The following CNTN3 variants were observed in gnomAD, a reference collection of about 807,000 sequenced individuals.
CNTN3 encodes contactin 3, also known as contactin-3.
Under a neutral mutation model 119.1 loss-of-function variants are expected in CNTN3, and 60 were observed. That is an observed-to-expected ratio of 0.50 (90% CI 0.41 to 0.62). The LOEUF is 0.62. Ranked by LOEUF, CNTN3 falls within the 20% of genes least tolerant of loss-of-function variation. The pLI is 0.00. For synonymous variants in CNTN3, 450 were observed against 438.7 expected, an observed-to-expected ratio of 1.03 and a Z score of -0.32; for missense variants, 1,101 against 1,242.4, an observed-to-expected ratio of 0.89 and a Z score of 1.71.
At chr3:74,388,283 CTAATA>C (rs1467488378) in intron 5 of CNTN3, among the ~76,000 whole-genome samples, 1 of 152,084 alleles carries the variant, frequency 6.6e-6, no homozygotes, top group African/African-American at 2.4e-5. Context: ...TATTGAGAAT[CTAATA>C]TATTAGAAGT....
intron 4 of CNTN3, among the ~76,000 whole-genome samples, chr3:74,449,633 A>G (rs1024504102): frequency 2.0e-5 from 3 of 152,102 alleles, no homozygotes; most frequent in African/African-American, 7.2e-5. Context: ...TTGAAACTGC[A>G]GAAAGCGGTA....
intron 4 of CNTN3, among the ~76,000 whole-genome samples, chr3:74,450,329 T>C (rs1476393657): frequency 2.0e-5 from 3 of 152,014 alleles, no homozygotes; most frequent in Non-Finnish European, 4.4e-5. Context: ...ATCTCATACA[T>C]TATTGTTGGT....
chr3:74,529,052 G>T (rs1703658584), intron 1 of CNTN3, among the ~76,000 whole-genome samples: 1 of 151,812 alleles, frequency 6.6e-6, no homozygotes, highest in African/African-American at 2.4e-5. Context: ...TATATATACA[G>T]CACATATATT....
intron 13 of CNTN3, among the ~76,000 whole-genome samples, chr3:74,308,590 A>T (rs1446636703): frequency 1.3e-5 from 2 of 151,986 alleles, no homozygotes; most frequent in African/African-American, 4.8e-5. Context: ...TAATTTCAAC[A>T]TCAAGTTCAT....
intron 5 of CNTN3, among the ~76,000 whole-genome samples, chr3:74,400,018 A>G (rs1231135613): frequency 1.3e-5 from 2 of 152,210 alleles, no homozygotes; most frequent in Non-Finnish European, 2.9e-5. Flanking sequence ...GGTGAATTCA[A>G]TGACCTAGTT....
intron 13 of CNTN3, among the ~76,000 whole-genome samples, chr3:74,323,015 T>C (rs1575726017): frequency 6.6e-6 from 1 of 152,080 alleles, no homozygotes; most frequent in Non-Finnish European, 1.5e-5. Context: ...ACAGGCAGGG[T>C]ACAGAGGATT....
intron 19 of CNTN3, among the ~76,000 whole-genome samples, chr3:74,293,708 C>G (rs2106799791): frequency 6.6e-6 from 1 of 152,312 alleles, no homozygotes; most frequent in East Asian, 1.9e-4. Flanking sequence ...ATCCTGGGCT[C>G]AAGCAATCCT....
chr3:74,608,267 G>A (rs368359488), intron 1 of CNTN3, among the ~76,000 whole-genome samples: 1 of 152,080 alleles, frequency 6.6e-6, no homozygotes, highest in African/African-American at 2.4e-5. Context: ...ACTATTCTCG[G>A]CTCTATGACA....
At chr3:74,434,731 G>C (rs535043227) in intron 4 of CNTN3, among the ~76,000 whole-genome samples, 2 of 152,122 alleles carry the variant, frequency 1.3e-5, no homozygotes, top group African/African-American at 2.4e-5. Flanking sequence ...AAGATAACTC[G>C]TGTAAATTAC....
At position 74,334,739 on chromosome 3, in the gene CNTN3, C is replaced by T; in HGVS notation, c.1664G>A (p.Gly555Asp). ...KKDGSHFEKV[G>D]GSSSGDLMIR... ...GAGGAAAGTGCCACAACTTACCCCA[C>T]CAACTTTCTCAAAGTGAGATCCATC... The change falls in exon 13 of 23, where the codon GGT (glycine) becomes GAT (aspartate). Residue 555 changes from glycine (G) to aspartate (D), a missense_variant. Physicochemically the swap from Gly to Asp is moderately conservative, Grantham distance 94 (BLOSUM62 -1). Coordinates refer to ENST00000263665, the MANE Select transcript of CNTN3 (RefSeq NM_020872.3). 4 of 1,612,864 alleles carry T rather than the reference C, an allele frequency of 2.5e-6. No individual in the cohort carries two copies. Among genetic ancestry groups the T allele is most frequent in the South Asian group, 1.1e-5 (1 of 90,880 alleles).
intron 10 of CNTN3, 48 bp downstream of exon 10, chr3:74,364,419 G>A (rs1704142649): frequency 5.7e-6 from 9 of 1,566,402 alleles, no homozygotes; most frequent in Non-Finnish European, 6.1e-6. Flanking sequence ...AAACAATGAA[G>A]GATTTAAGAC....
intron 1 of CNTN3, among the ~76,000 whole-genome samples, chr3:74,539,696 T>C (rs1033915077): frequency 1.1e-4 from 17 of 152,156 alleles, no homozygotes; most frequent in African/African-American, 4.1e-4. Flanking sequence ...TCTTTCCTAT[T>C]TTCACATTTG....
At chr3:74,393,196 T>C (rs1704959010) in intron 5 of CNTN3, among the ~76,000 whole-genome samples, 1 of 152,178 alleles carries the variant, frequency 6.6e-6, no homozygotes, top group South Asian at 2.1e-4. Context: ...TCTTCAAACA[T>C]GAATCCATCC....
intron 2 of CNTN3, among the ~76,000 whole-genome samples, chr3:74,518,027 G>C (rs1274387823): frequency 6.6e-6 from 1 of 151,926 alleles, no homozygotes; most frequent in African/African-American, 2.4e-5. Context: ...ATTTGCAGGA[G>C]TCAGTTAACT....
chr3:74,448,463 T>C lies in CNTN3; in HGVS notation c.359-23523A>G, dbSNP rs951344908. 2.6e-5 allele frequency among the ~76,000 whole-genome samples: 4 copies of C among 152,276 alleles called. No homozygotes were observed. In the East Asian group the frequency reaches 7.7e-4, roughly 29 times the overall value. The stretch of plus-strand genomic sequence containing the variant: ...GTGTATTGTATTATTTTAGTTCATG[T>C]TATTACAAAGCAAACAACTCAGAAA... On this transcript the variant is annotated intron_variant, in intron 4 of 22. Transcript: ENST00000263665.
At chr3:74,590,442 G>C (rs1413514659) in intron 1 of CNTN3, among the ~76,000 whole-genome samples, 6 of 151,996 alleles carry the variant, frequency 3.9e-5, no homozygotes, top group African/African-American at 1.5e-4. Context: ...TTGAGAAGAA[G>C]AACGGGTGGT....
chr3:74,305,960 A>G (rs1435194315), intron 13 of CNTN3, among the ~76,000 whole-genome samples: 6 of 151,992 alleles, frequency 3.9e-5, no homozygotes, highest in Non-Finnish European at 5.9e-5. Context: ...CTGTAATTCC[A>G]AACTCCAACT....
chr3:74,551,244 C>CT (rs1169585703), intron 1 of CNTN3, among the ~76,000 whole-genome samples: 13 of 152,150 alleles, frequency 8.5e-5, no homozygotes, highest in Non-Finnish European at 7.3e-5. Context: ...ACAAAGACCA[C>CT]TTATCTTAAA....
At chr3:74,432,499 T>C (rs768009062) in intron 4 of CNTN3, among the ~76,000 whole-genome samples, 1 of 152,120 alleles carries the variant, frequency 6.6e-6, no homozygotes, top group Non-Finnish European at 1.5e-5. Flanking sequence ...AAGCTTGCTA[T>C]AAAAAAGAAT....
Sources: gnomAD v4.1 joint callset for allele counts (sites outside exome capture counted in the v4.1 genomes callset) on GRCh38, gnomAD v4.1.1 for gene constraint, MANE v1.5 for transcripts, NCBI Gene and HGNC (gene_info 2026-07-23, HGNC 2026-07-21) for gene names.